The following BMS1 variants were observed in gnomAD, a reference collection of about 807,000 sequenced individuals.
The protein encoded by BMS1 is ribosome biogenesis protein BMS1 homolog.
A neutral mutation model predicts 138.7 loss-of-function variants in BMS1; 53 were observed. That is an observed-to-expected ratio of 0.38 (90% CI 0.31 to 0.48). BMS1 has a LOEUF of 0.48. Among genes scored for constraint, BMS1 ranks in the 20% least tolerant of loss-of-function variants. The pLI is 0.97. For missense variants in BMS1, 1,360 were observed against 1,565.5 expected, an observed-to-expected ratio of 0.87 and a Z score of 2.22; for synonymous variants, 504 against 539.9, an observed-to-expected ratio of 0.93 and a Z score of 0.92.
chr10:42,789,162 C>T (rs1268867254), intron 4 of BMS1, among the ~76,000 whole-genome samples: 1 of 152,200 alleles, frequency 6.6e-6, no homozygotes, highest in African/African-American at 2.4e-5. Context: ...AGCTGAGGGA[C>T]TGTTTGCTCC....
chr10:42,788,153 A>G (rs1252777546), intron 4 of BMS1, among the ~76,000 whole-genome samples: 1 of 150,980 alleles, frequency 6.6e-6, no homozygotes, highest in Non-Finnish European at 1.5e-5. Flanking sequence ...CAGAAAACTA[A>G]ATAACATTCA....
chr10:42,816,567 C>G lies in BMS1; in HGVS notation c.2330-32C>G. The G allele has an allele frequency of 1.9e-6, 3 of 1,582,372 alleles. No homozygotes were observed. The South Asian group carries it at 3.4e-5, about 18-fold the overall frequency. On this transcript the variant is annotated intron_variant, in intron 13 of 22. Transcript: ENST00000374518. ...GCCAGCAGCACATGCATACCTGGCT[C>G]ACAGAGCAGCCTTTGGGTGTTCTTT...
intron 14 of BMS1, 31 bp from the exon 15 acceptor site, chr10:42,817,285 CAT>C: frequency 6.8e-7 from 1 of 1,479,652 alleles, no homozygotes; most frequent in African/African-American, 1.4e-5. Context: ...CCTTCATAAA[CAT>C]ACACAAAATT....
intron 13 of BMS1, among the ~76,000 whole-genome samples, chr10:42,809,543 G>A (rs1005826504): frequency 7.2e-5 from 11 of 152,104 alleles, no homozygotes; most frequent in African/African-American, 2.7e-4. Context: ...TTATAGGCGT[G>A]AGCGACCATG....
At chr10:42,822,270 T>C in intron 19 of BMS1, 86 bp downstream of exon 19, 1 of 812,952 alleles carries the variant, frequency 1.2e-6, no homozygotes. Context: ...ATGGGCCTCA[T>C]ATTTTTATAA....
rs1348352792 is a variant in BMS1, at chr10:42,790,398, G to A, written c.523G>A (p.Gly175Ser). 6.2e-7 allele frequency: 1 copy of A among 1,613,876 alleles called. No individual in the cohort carries two copies. The highest frequency in any genetic ancestry group is 2.2e-5 in the East Asian group (1 of 44,874). ...FEFLNICQVH[G>S]FPKIMGVLTH... ...GTTTCTAAACATCTGTCAAGTACAT[G>A]GCTTTCCTAAAATTATGGGAGTTCT... The change falls in exon 5 of 23, where the codon GGC (glycine) becomes AGC (serine). Residue 175 changes from glycine to serine, a missense_variant. Gly to Ser is a moderately conservative substitution (Grantham distance 56). Transcript: ENST00000374518.
chr10:42,811,049 ATT>A (rs34512002), intron 13 of BMS1, among the ~76,000 whole-genome samples: 3 of 149,778 alleles, frequency 2.0e-5, no homozygotes, highest in African/African-American at 7.3e-5. Flanking sequence ...TATTATTATT[ATT>A]TTTTTTTTGA....
intron 13 of BMS1, among the ~76,000 whole-genome samples, chr10:42,804,961 A>G (rs976204718): frequency 6.6e-6 from 1 of 152,034 alleles, no homozygotes; most frequent in Non-Finnish European, 1.5e-5. Context: ...CAGGTGATCC[A>G]TCCGCCTCAG....
At position 42,830,868 on chromosome 10, in the gene BMS1, C is replaced by G; in HGVS notation, c.3621C>G (p.Ile1207Met). The G allele has an allele frequency of 6.2e-7, 1 of 1,608,958 alleles. No homozygotes were observed. The highest frequency in any genetic ancestry group is 8.5e-7 in the Non-Finnish European group (1 of 1,177,724). Residue 1207 changes from isoleucine (I) to methionine (M), a missense_variant and splice_region_variant, in exon 23 of 23, where the codon ATC (isoleucine) becomes ATG (methionine). Coordinates refer to ENST00000374518, the MANE Select transcript of BMS1 (RefSeq NM_014753.4). Reference protein sequence around the residue: ...AVIREPHERKILALLDALSTV... With the variant: ...AVIREPHERKMLALLDALSTV... ...TCACCGGCTTTTGTCCTTGTCAGAT[C>G]CTTGCACTGCTGGATGCTCTGAGTA...
rs1239951551 is a variant in BMS1 at position 42,798,530 on chromosome 10, G to C, written c.2152G>C (p.Val718Leu). The change falls in exon 12 of 23, where the codon GTC becomes CTC. Residue 718 changes from valine to leucine, a missense_variant. Val to Leu is a conservative substitution (Grantham distance 32, BLOSUM62 1). This residue lies in a region of BMS1 where 697 missense variants were observed against 686.2 expected (regional missense o/e 1.02). Coordinates refer to ENST00000374518, the MANE Select transcript of BMS1 (RefSeq NM_014753.4). ...TLEELGGLFR[V>L]NQPDRECKHK... ...AGAAGAGCTTGGAGGGTTGTTTCGTGTCAACCAGCCTGACAGAGAGTGTAA... is the reference window on the plus strand; with the variant it reads ...AGAAGAGCTTGGAGGGTTGTTTCGTCTCAACCAGCCTGACAGAGAGTGTAA... 2 of 1,614,240 alleles carry C rather than the reference G, an allele frequency of 1.2e-6. No homozygotes were observed. Among genetic ancestry groups the C allele is most frequent in the Admixed American group, 3.3e-5 (2 of 60,028 alleles).
At chr10:42,813,188 G>A (rs1842240590) in intron 13 of BMS1, among the ~76,000 whole-genome samples, 1 of 152,158 alleles carries the variant, frequency 6.6e-6, no homozygotes. Context: ...CCTTAAGTGA[G>A]TTTGAAGTTT....
chr10:42,787,810 T>C (rs763693760), intron 4 of BMS1, among the ~76,000 whole-genome samples: 1 of 152,176 alleles, frequency 6.6e-6, no homozygotes, highest in Non-Finnish European at 1.5e-5. Flanking sequence ...CCTGAAGAAG[T>C]GGTCAGTTTA....
Position 42,792,626 on chromosome 10 carries a change from T to G in BMS1, c.901+12T>G, listed in dbSNP as rs191521695. ...AATTCACATGCCAGGTATTCTCTTG[T>G]TGTAGAACATACTAGAATTACACAT... On this transcript the variant is annotated intron_variant, in intron 7 of 22. Transcript: ENST00000374518. 1.1e-5 allele frequency: 18 copies of G among 1,602,292 alleles called. No homozygotes were observed. The highest frequency in any genetic ancestry group is 1.4e-5 in the Non-Finnish European group (17 of 1,179,208).
Position 42,797,511 on chromosome 10 carries a change from A to G in BMS1, c.2077A>G (p.Ile693Val). The G allele has an allele frequency of 1.9e-6, 3 of 1,614,174 alleles. No individual in the cohort carries two copies. Among genetic ancestry groups the G allele is most frequent in the Non-Finnish European group, 2.5e-6 (3 of 1,179,992 alleles). Reference sequence around the variant, plus strand: ...AGCAGCTCCAAACCTCCGAAAGCTTATTTATGGGACAGGTAAAGAATTCTG... The same window carrying G: ...AGCAGCTCCAAACCTCCGAAAGCTTGTTTATGGGACAGGTAAAGAATTCTG... ...QQAAPNLRKL[I>V]YGTVTEDNEE... Residue 693 changes from isoleucine to valine, a missense_variant, in exon 11 of 23, where the codon ATT (isoleucine) becomes GTT (valine). Physicochemically the swap from Ile to Val is conservative, Grantham distance 29. Coordinates refer to ENST00000374518, the MANE Select transcript of BMS1 (RefSeq NM_014753.4).
chr10:42,806,444 A>T (rs1219141150), intron 13 of BMS1, among the ~76,000 whole-genome samples: 2 of 152,178 alleles, frequency 1.3e-5, no homozygotes, highest in Non-Finnish European at 2.9e-5. Context: ...GAACTTAAGA[A>T]TCACCTTTCT....
chr10:42,794,617 T>A (rs1841616249), intron 9 of BMS1, among the ~76,000 whole-genome samples: 1 of 151,304 alleles, frequency 6.6e-6, no homozygotes, highest in Non-Finnish European at 1.5e-5. Flanking sequence ...TACGAAGTGT[T>A]CGCCGAAAGA....
At chr10:42,802,988 G>T (rs1210844619) in intron 13 of BMS1, among the ~76,000 whole-genome samples, 1 of 151,864 alleles carries the variant, frequency 6.6e-6, no homozygotes, top group African/African-American at 2.4e-5. Flanking sequence ...CATTTTTATG[G>T]ATTGCAACTG....
chr10:42,785,764 T>C (rs1230685200), intron 3 of BMS1, 92 bp downstream of exon 3: 14 of 1,367,896 alleles, frequency 1.0e-5, no homozygotes, highest in Non-Finnish European at 1.4e-5. Context: ...TGGAACATGT[T>C]AAATATTGTC....
At chr10:42,797,646 A>G in intron 11 of BMS1, 123 bp downstream of exon 11, 2 of 883,558 alleles carry the variant, frequency 2.3e-6, no homozygotes, top group Admixed American at 2.3e-5. Context: ...CACATTTCAT[A>G]TTTGACAGAT....
Sources: gnomAD v4.1 joint callset for allele counts (sites outside exome capture counted in the v4.1 genomes callset) on GRCh38, gnomAD v4.1.1 for gene constraint, gnomAD v4.1.1 regional missense constraint, MANE v1.5 for transcripts, NCBI Gene and HGNC (gene_info 2026-07-23, HGNC 2026-07-21) for gene names.